Variants in INPP4B observed in about 807,000 individuals in gnomAD.
The protein encoded by INPP4B is inositol polyphosphate-4-phosphatase type II B.
Under a neutral mutation model 122.5 loss-of-function variants are expected in INPP4B, and 55 were observed. The ratio of observed to expected loss-of-function variants is 0.45; its 90% confidence interval spans 0.36 to 0.56. The LOEUF is 0.56. Among genes scored for constraint, INPP4B ranks in the 20% least tolerant of loss-of-function variants. The pLI is 0.00. For missense variants in INPP4B, 1,000 were observed against 1,097.7 expected (o/e 0.91, Z 1.26); for synonymous variants, 403 against 388.7 (o/e 1.04, Z -0.43).
At chr4:142,562,530 G>A (rs923860293) in intron 2 of INPP4B, among the ~76,000 whole-genome samples, 2 of 152,146 alleles carry the variant, frequency 1.3e-5, no homozygotes, top group African/African-American at 2.4e-5. Context: ...TGGATGCCAA[G>A]CTTCAAGGAG....
At chr4:142,314,561 G>A in intron 8 of INPP4B, 151 bp downstream of exon 8, 1 of 707,226 alleles carries the variant, frequency 1.4e-6, no homozygotes, top group Non-Finnish European at 2.4e-6. Context: ...ATGCAATTCA[G>A]CAAATATGTG....
intron 21 of INPP4B, among the ~76,000 whole-genome samples, chr4:142,117,498 C>T (rs1265486457): frequency 6.6e-6 from 1 of 152,126 alleles, no homozygotes; most frequent in Non-Finnish European, 1.5e-5. Flanking sequence ...GGATGTAAGG[C>T]TGCTTCAACC....
At chr4:142,369,398 A>C (rs1049554107) in intron 7 of INPP4B, among the ~76,000 whole-genome samples, 20 of 151,746 alleles carry the variant, frequency 1.3e-4, no homozygotes, top group Admixed American at 6.6e-5. Context: ...AGCTTGGGCA[A>C]CATGATGATG....
chr4:142,393,566 A>G (rs1057241597), intron 7 of INPP4B, among the ~76,000 whole-genome samples: 4 of 152,236 alleles, frequency 2.6e-5, no homozygotes, highest in African/African-American at 9.6e-5. Context: ...CAAAATTGAG[A>G]AAGTGACCAA....
At chr4:142,168,728 A>T (rs903823170) in intron 16 of INPP4B, among the ~76,000 whole-genome samples, 1 of 151,584 alleles carries the variant, frequency 6.6e-6, no homozygotes, top group Non-Finnish European at 1.5e-5. Context: ...GCTTATTCGC[A>T]TGCATACACA....
intron 25 of INPP4B, among the ~76,000 whole-genome samples, chr4:142,064,283 C>T (rs1762414944): frequency 6.6e-6 from 1 of 152,106 alleles, no homozygotes; most frequent in South Asian, 2.1e-4. Flanking sequence ...TATTAACATA[C>T]ACAATAAAAT....
chr4:142,355,780 C>A (rs1380129662), intron 7 of INPP4B, among the ~76,000 whole-genome samples: 1 of 151,860 alleles, frequency 6.6e-6, no homozygotes, highest in Non-Finnish European at 1.5e-5. Flanking sequence ...CTTTGTGAAG[C>A]AATTCAGCTT....
At chr4:142,599,804 G>A (rs1176008641) in intron 2 of INPP4B, among the ~76,000 whole-genome samples, 2 of 151,674 alleles carry the variant, frequency 1.3e-5, no homozygotes, top group African/African-American at 2.4e-5. Flanking sequence ...TTTATACTAC[G>A]AGTGAGAAAT....
In INPP4B at chr4:142,073,783, C is replaced by T. The variant is rs72940957; in HGVS notation, c.2642+8248G>A. 7.0e-3 allele frequency among the ~76,000 whole-genome samples: 1,069 copies of T among 152,102 alleles called. 14 individuals are homozygous for T. Among genetic ancestry groups the T allele is most frequent in the African/African-American group, 0.025 (1,020 of 41,514 alleles). ...TCAACCTTCCAGGGGCATAAATAGA[C>T]TCTAGGTTTTGGCATAACTGCTCTC... On this transcript the variant is annotated intron_variant, in intron 25 of 25. Coordinates refer to ENST00000262992, the MANE Select transcript of INPP4B (RefSeq NM_001101669.3).
intron 2 of INPP4B, among the ~76,000 whole-genome samples, chr4:142,524,173 A>T (rs551632728): frequency 2.7e-3 from 407 of 152,208 alleles, no homozygotes; most frequent in African/African-American, 9.1e-3. Flanking sequence ...GTATATACCC[A>T]GTAATGGGAT....
chr4:142,702,364 A>G (rs1761907506), intron 2 of INPP4B, among the ~76,000 whole-genome samples: 1 of 152,172 alleles, frequency 6.6e-6, no homozygotes, highest in Non-Finnish European at 1.5e-5. Context: ...AGCATATTCC[A>G]GAAAGCCTAA....
At chr4:142,440,226 T>C (rs573615440) in intron 3 of INPP4B, among the ~76,000 whole-genome samples, 1 of 152,130 alleles carries the variant, frequency 6.6e-6, no homozygotes, top group Non-Finnish European at 1.5e-5. Flanking sequence ...TCAGTCTTAG[T>C]AGGAGGAAAT....
intron 1 of INPP4B, among the ~76,000 whole-genome samples, chr4:142,808,953 A>ATTCAG (rs1404485212): frequency 2.0e-5 from 3 of 152,136 alleles, no homozygotes; most frequent in Non-Finnish European, 4.4e-5. Flanking sequence ...AGAATCAAAT[A>ATTCAG]TTCAGTTTGT....
At chr4:142,349,756 G>A (rs1781382177) in intron 7 of INPP4B, among the ~76,000 whole-genome samples, 1 of 151,850 alleles carries the variant, frequency 6.6e-6, no homozygotes, top group Non-Finnish European at 1.5e-5. Context: ...CACATCTTTA[G>A]ATTCTTTCCC....
At chr4:142,720,605 C>T (rs999051875) in intron 2 of INPP4B, among the ~76,000 whole-genome samples, 1 of 150,314 alleles carries the variant, frequency 6.7e-6, no homozygotes, top group Non-Finnish European at 1.5e-5. Flanking sequence ...ACTGCATTGT[C>T]TTTTAATTTG....
chr4:142,782,211 C>CTATG (rs1475135207), intron 1 of INPP4B, among the ~76,000 whole-genome samples: 1 of 151,828 alleles, frequency 6.6e-6, no homozygotes, highest in African/African-American at 2.4e-5. Context: ...CAATTCCCAC[C>CTATG]TATGAGTGAG....
chr4:142,028,665 C>A lies in INPP4B; in HGVS notation c.*117G>T. Reference sequence around the variant, plus strand: ...GTAGTTCCTAGATTTTGGGAAACATCTGTGATCATCTCCCCCACCACAAAT... The same window carrying A: ...GTAGTTCCTAGATTTTGGGAAACATATGTGATCATCTCCCCCACCACAAAT... On this transcript the variant is annotated 3_prime_UTR_variant, in exon 26 of 26. Transcript: ENST00000262992. The A allele has an allele frequency of 1.9e-6, 2 of 1,053,986 alleles. No individual in the cohort carries two copies. Among genetic ancestry groups the A allele is most frequent in the South Asian group, 3.3e-5 (2 of 61,236 alleles). The allele number at this position is 1,053,986 out of a possible 1,614,324, so 65.3% of individuals were successfully genotyped here. A position where few individuals can be genotyped will look rare whatever the true frequency, so the allele number is the denominator to read the frequency against.
At chr4:142,225,300 T>C (rs899255220) in intron 12 of INPP4B, among the ~76,000 whole-genome samples, 2 of 152,178 alleles carry the variant, frequency 1.3e-5, no homozygotes, top group African/African-American at 4.8e-5. Context: ...CTCTGGCCTT[T>C]GGCCACAGGC....
intron 2 of INPP4B, among the ~76,000 whole-genome samples, chr4:142,678,398 A>G (rs931224244): frequency 6.6e-6 from 1 of 151,900 alleles, no homozygotes; most frequent in African/African-American, 2.4e-5. Flanking sequence ...GGGTTATTAG[A>G]TGGTGTTATA....
Sources: gnomAD v4.1 joint callset for allele counts (sites outside exome capture counted in the v4.1 genomes callset) on GRCh38, gnomAD v4.1.1 for gene constraint, MANE v1.5 for transcripts, NCBI Gene and HGNC (gene_info 2026-07-23, HGNC 2026-07-21) for gene names.